The following ZDHHC7 variants were observed in gnomAD, a reference collection of about 807,000 sequenced individuals.
ZDHHC7 encodes the protein zDHHC palmitoyltransferase 7.
A neutral mutation model predicts 34.1 loss-of-function variants in ZDHHC7; 12 were observed. The ratio of observed to expected loss-of-function variants is 0.35; its 90% CI spans 0.23 to 0.57. The LOEUF (loss-of-function observed/expected upper bound fraction) is 0.57, where lower values mean the gene tolerates loss of function less well. ZDHHC7 is among the 20% of genes least tolerant of loss of function. The probability of loss-of-function intolerance (pLI) is 0.84; values close to 1 mark genes in which losing one functional copy is unlikely to be tolerated. For synonymous variants in ZDHHC7, 185 were observed against 155.4 expected, an observed-to-expected ratio of 1.19 and a Z score of -1.42; for missense variants, 388 against 402.7, an observed-to-expected ratio of 0.96 and a Z score of 0.31.
rs1483095120 is a variant in ZDHHC7 at position 84,990,512 on chromosome 16, G to A, written c.107C>T (p.Ala36Val). ...SSSSSSEADVADRVWFIRDGC... is the reference protein window; with the variant it reads ...SSSSSSEADVVDRVWFIRDGC... ...GTCACGGATGAACCAGACCCGGTCA[G>A]CCACGTCAGCCTCGGAGGAGGAGGA... The change falls in exon 3 of 8, where the codon GCT becomes GTT. Residue 36 changes from alanine to valine, a missense_variant. Coordinates refer to ENST00000313732, the MANE Select transcript of ZDHHC7 (RefSeq NM_017740.3). The A allele has an allele frequency of 1.2e-6, 2 of 1,614,216 alleles. No individual in the cohort carries two copies. Among genetic ancestry groups the A allele is most frequent in the Non-Finnish European group, 8.5e-7 (1 of 1,180,044 alleles).
upstream of ZDHHC7, among the ~76,000 whole-genome samples, chr16:85,014,205 T>G (rs1381014830): frequency 6.6e-6 from 1 of 152,224 alleles, no homozygotes; most frequent in African/African-American, 2.4e-5. Context: ...AAAGAGAGTT[T>G]ATTCAAGCTC....
chr16:85,020,343 C>T, the ZDHHC7 span, among the ~76,000 whole-genome samples: 3 of 152,218 alleles, frequency 2.0e-5, no homozygotes, highest in Non-Finnish European at 4.4e-5. Flanking sequence ...CTAAGTGCTG[C>T]AGACACATGA....
At chr16:84,979,398 T>G (rs936324421) in intron 4 of ZDHHC7, 113 bp from the exon 5 acceptor site, 8 of 1,380,060 alleles carry the variant, frequency 5.8e-6, no homozygotes, top group Middle Eastern at 2.0e-4. Flanking sequence ...TAATACAACA[T>G]GTCAAAAAAT....
intron 3 of ZDHHC7, among the ~76,000 whole-genome samples, chr16:84,986,494 G>T (rs929986630): frequency 6.6e-6 from 1 of 152,296 alleles, no homozygotes; most frequent in Admixed American, 6.5e-5. Context: ...AGGCATCCAC[G>T]GGGCTGGCAT....
chr16:84,986,399 C>T (rs917257783), intron 3 of ZDHHC7, among the ~76,000 whole-genome samples: 1 of 152,210 alleles, frequency 6.6e-6, no homozygotes, highest in African/African-American at 2.4e-5. Context: ...GGAAAGCACG[C>T]TTTTGGCAGA....
intron 4 of ZDHHC7, among the ~76,000 whole-genome samples, chr16:84,981,431 G>A (rs529879866): frequency 1.6e-4 from 25 of 152,330 alleles, no homozygotes; most frequent in African/African-American, 5.8e-4. Context: ...AAAAGTGAAC[G>A]CACAACAGCC....
intron 1 of ZDHHC7, 97 bp from the exon 2 acceptor site, chr16:84,996,104 T>C (rs536901933): frequency 6.6e-6 from 1 of 152,294 alleles, no homozygotes; most frequent in South Asian, 2.1e-4. Flanking sequence ...GAGCGTAACA[T>C]TTGACGCATC....
At chr16:85,012,063 A>G (rs1317477123), upstream of ZDHHC7, among the ~76,000 whole-genome samples, 1 of 152,204 alleles carries the variant, frequency 6.6e-6, no homozygotes, top group Admixed American at 6.5e-5. Context: ...CCATATAGGA[A>G]GCCCTAAGTG....
chr16:85,005,084 G>T (rs1228393522), intron 1 of ZDHHC7: 1 of 152,202 alleles, frequency 6.6e-6, no homozygotes, highest in East Asian at 1.9e-4. Flanking sequence ...AAATGGAGCA[G>T]CTATTTTTAA....
Position 84,990,341 on chromosome 16 carries a change from G to C in ZDHHC7, c.278C>G (p.Ala93Gly). ...GVIFNCLAVL[A>G]LSSHLRTMLT... ...CATGGTTCTCAGGTGGGATGACAGG[G>C]CAAGCACGGCCAAGCAGTTAAAGAT... Residue 93 changes from alanine (A) to glycine (G), a missense_variant, in exon 3 of 8, where the codon GCC (alanine) becomes GGC (glycine). By Grantham distance (60) the Ala-to-Gly change is moderately conservative. Transcript: ENST00000313732. 1 of 1,614,090 alleles carries C rather than the reference G, an allele frequency of 6.2e-7. No homozygotes were observed. The highest frequency in any genetic ancestry group is 1.3e-5 in the African/African-American group (1 of 75,020).
intron 3 of ZDHHC7, among the ~76,000 whole-genome samples, chr16:84,983,128 G>T (rs2072392295): frequency 6.6e-6 from 1 of 152,222 alleles, no homozygotes; most frequent in African/African-American, 2.4e-5. Context: ...TCTTAGCCTG[G>T]ATCCTGCACT....
intron 1 of ZDHHC7, among the ~76,000 whole-genome samples, chr16:85,006,670 G>C (rs961675458): frequency 3.3e-5 from 5 of 152,154 alleles, no homozygotes; most frequent in African/African-American, 1.2e-4. Flanking sequence ...AGCCCAGGAG[G>C]TTGAGGCTGC....
chr16:84,985,355 C>G (rs1301187495), intron 3 of ZDHHC7, among the ~76,000 whole-genome samples: 2 of 152,242 alleles, frequency 1.3e-5, no homozygotes, highest in African/African-American at 4.8e-5. Context: ...CTGCTCTCCA[C>G]CCCAGCTCCC....
chr16:85,015,349 C>T (rs1365241663), upstream of ZDHHC7, among the ~76,000 whole-genome samples: 1 of 152,080 alleles, frequency 6.6e-6, no homozygotes, highest in Non-Finnish European at 1.5e-5. Context: ...GATCCACCCA[C>T]CTCGTCTTCC....
the ZDHHC7 span, among the ~76,000 whole-genome samples, chr16:85,018,111 G>T: frequency 6.6e-6 from 1 of 152,176 alleles, no homozygotes; most frequent in Non-Finnish European, 1.5e-5. Flanking sequence ...GTCTCAGCCA[G>T]TTTGACCCAC....
chr16:85,021,912 T>C, the ZDHHC7 span, among the ~76,000 whole-genome samples: 5 of 151,504 alleles, frequency 3.3e-5, no homozygotes, highest in African/African-American at 1.2e-4. Flanking sequence ...ATCGCAGCAC[T>C]TTGGGAGGCC....
chr16:84,982,084 C>T (rs1345468644), intron 3 of ZDHHC7, 90 bp from the exon 4 acceptor site: 11 of 1,544,176 alleles, frequency 7.1e-6, no homozygotes, highest in Non-Finnish European at 8.0e-6. Flanking sequence ...GTAATCCCAG[C>T]ACTTTGGGAG....
At position 84,976,267 on chromosome 16, in the gene ZDHHC7, G is replaced by A. The variant is rs955788466; in HGVS notation, c.*76C>T. ...TCCAGTTGCCCTGTTGGTCACAGATGAGCTGTTGATATCCTTCAGACCCCA... is the reference window on the plus strand; with the variant it reads ...TCCAGTTGCCCTGTTGGTCACAGATAAGCTGTTGATATCCTTCAGACCCCA... On this transcript the variant is annotated 3_prime_UTR_variant, in exon 8 of 8. Transcript: ENST00000313732. 2.6e-6 allele frequency: 4 copies of A among 1,567,798 alleles called. No individual in the cohort carries two copies. In the African/African-American group the frequency reaches 5.5e-5, roughly 22 times the overall value.
chr16:85,016,904 A>T, the ZDHHC7 span, among the ~76,000 whole-genome samples: 1 of 152,074 alleles, frequency 6.6e-6, no homozygotes, highest in African/African-American at 2.4e-5. Flanking sequence ...ATACAAAAAT[A>T]ATCTCTAAAA....
Sources: gnomAD v4.1 joint callset for allele counts (sites outside exome capture counted in the v4.1 genomes callset) on GRCh38, gnomAD v4.1.1 for gene constraint, MANE v1.5 for transcripts, NCBI Gene and HGNC (gene_info 2026-07-23, HGNC 2026-07-21) for gene names.